The following PILRA variants were observed in gnomAD, a reference collection of about 807,000 sequenced individuals.
The protein encoded by PILRA is paired immunoglobin like type 2 receptor alpha, also known as paired immunoglobulin-like type 2 receptor alpha.
PILRA carries 37 observed loss-of-function variants against 33.1 expected under a neutral mutation model. The ratio of observed to expected loss-of-function variants is 1.12; its 90% confidence interval spans 0.86 to 1.47. The LOEUF (loss-of-function observed/expected upper bound fraction) is 1.47, where lower values mean the gene tolerates loss of function less well. PILRA is among the 40% of genes most tolerant of loss of function. The pLI, the probability that PILRA is intolerant of heterozygous loss-of-function variation, is 0.00. For synonymous variants in PILRA, 146 were observed against 149.9 expected (o/e 0.97, Z 0.19); for missense variants, 312 against 376.2 (o/e 0.83, Z 1.41).
At chr7:100,374,589 T>A in intron 2 of PILRA, 156 bp downstream of exon 2, 2 of 782,346 alleles carry the variant, frequency 2.6e-6, no homozygotes, top group Non-Finnish European at 2.1e-6. Context: ...TTGCCACCTC[T>A]CCCCTTTTCT....
Position 100,374,236 on chromosome 7 carries a change from C to A in PILRA, c.257C>A (p.Pro86Gln). ...FHRQSFYSTR[P>Q]PSIHKDYVNR... ...AGGCAGTCCTTCTACAGCACAAGGC[C>A]GCCTTCCATTCACAAGGATTATGTG... is the stretch of plus-strand genomic sequence containing the variant. Residue 86 changes from proline to glutamine, a missense_variant, in exon 2 of 7, where the codon CCG becomes CAG. By Grantham distance (76) the Pro-to-Gln change is moderately conservative. Coordinates refer to ENST00000198536, the MANE Select transcript of PILRA (RefSeq NM_013439.3). 6.2e-7 allele frequency: 1 copy of A among 1,614,162 alleles called. No homozygotes were observed. The highest frequency in any genetic ancestry group is 1.1e-5 in the South Asian group (1 of 91,088).
intron 3 of PILRA, among the ~76,000 whole-genome samples, chr7:100,397,143 G>A (rs1791514390): frequency 1.5e-5 from 2 of 132,502 alleles, no homozygotes; most frequent in South Asian, 2.3e-4. Flanking sequence ...AAAAAAAAAA[G>A]TCCTGTAGAA....
chr7:100,373,740 C>T lies in PILRA; in HGVS notation c.64+20C>T, dbSNP rs759314993. On this transcript the variant is annotated intron_variant, in intron 1 of 6. Transcript: ENST00000198536. Reference sequence around the variant, plus strand: ...AGCCTAGTGAGTACCCAGGACCACCCAGATGTGGGCTCTGCCCAAACCACA... The same window carrying T: ...AGCCTAGTGAGTACCCAGGACCACCTAGATGTGGGCTCTGCCCAAACCACA... 1.4e-5 allele frequency: 22 copies of T among 1,612,358 alleles called. 1 individual carries two copies. Among genetic ancestry groups the T allele is most frequent in the Non-Finnish European group, 1.7e-5 (20 of 1,179,838 alleles).
intron 2 of PILRA, among the ~76,000 whole-genome samples, chr7:100,382,872 C>A (rs771075738): frequency 7.9e-5 from 12 of 152,108 alleles, no homozygotes; most frequent in Non-Finnish European, 1.5e-4. Flanking sequence ...TGAACACATC[C>A]AAACATCAGA....
chr7:100,398,154 GA>G (rs1791538623), intron 4 of PILRA, among the ~76,000 whole-genome samples: 1 of 152,176 alleles, frequency 6.6e-6, no homozygotes, highest in African/African-American at 2.4e-5. Context: ...AAACATTCAA[GA>G]ATCTCTTTTC....
rs757750769 is a variant in PILRA at position 100,390,152 on chromosome 7, G to T, written c.673+46G>T. 3.9e-6 allele frequency: 6 copies of T among 1,527,312 alleles called. No homozygotes were observed. The South Asian group carries it at 6.7e-5, about 17-fold the overall frequency. 94.6% of individuals were successfully genotyped at this position (1,527,312 alleles called of 1,614,324 possible). ...CTCTCCCCAAGCCTCCCATCTGGGG[G>T]TTTCTCAAAGCCCACCTGCAGCTAT... On this transcript the variant is annotated intron_variant, in intron 3 of 6. Transcript: ENST00000198536.
upstream of PILRA, among the ~76,000 whole-genome samples, chr7:100,371,319 T>C (rs530051500): frequency 1.3e-5 from 2 of 152,314 alleles, no homozygotes; most frequent in African/African-American, 2.4e-5. Context: ...TCAGGTATTA[T>C]AAATCTTCCA....
intron 2 of PILRA, among the ~76,000 whole-genome samples, chr7:100,387,691 C>T (rs551265285): frequency 3.3e-5 from 5 of 152,198 alleles, no homozygotes; most frequent in African/African-American, 1.2e-4. Flanking sequence ...CAGAGCAAGA[C>T]GGTGTCCAAA....
At chr7:100,391,571 C>T (rs1791391522) in intron 3 of PILRA, among the ~76,000 whole-genome samples, 1 of 152,142 alleles carries the variant, frequency 6.6e-6, no homozygotes, top group Non-Finnish European at 1.5e-5. Context: ...CCTGTGGTCC[C>T]AGCTACTCCA....
chr7:100,374,029 C>T lies in PILRA; in HGVS notation c.65-15C>T. 6.2e-7 allele frequency: 1 copy of T among 1,611,210 alleles called. No individual in the cohort carries two copies. Among genetic ancestry groups the T allele is most frequent in the Non-Finnish European group, 8.5e-7 (1 of 1,178,054 alleles). On this transcript the variant is annotated splice_polypyrimidine_tract_variant and intron_variant, in intron 1 of 6. Coordinates refer to ENST00000198536, the MANE Select transcript of PILRA (RefSeq NM_013439.3). ...TTTCAAGGTCTCTCCCCTACTCACT[C>T]CCTCCCTCCTCTAGGTGGCTCCACA...
At chr7:100,396,934 A>G (rs765203203) in intron 3 of PILRA, among the ~76,000 whole-genome samples, 3 of 152,050 alleles carry the variant, frequency 2.0e-5, no homozygotes, top group Admixed American at 6.6e-5. Context: ...ACTTAACACT[A>G]ATGAACTGTA....
chr7:100,395,853 T>C (rs1018177352), intron 3 of PILRA, among the ~76,000 whole-genome samples: 6 of 151,288 alleles, frequency 4.0e-5, no homozygotes, highest in African/African-American at 1.5e-4. Context: ...AGGCCAGGAG[T>C]GGTGGCTCAC....
At chr7:100,390,997 C>A (rs1791378071) in intron 3 of PILRA, among the ~76,000 whole-genome samples, 1 of 151,684 alleles carries the variant, frequency 6.6e-6, no homozygotes. Flanking sequence ...AGGGCCAGAT[C>A]CTGGAAAAGA....
chr7:100,371,860 C>T (rs1790822065), upstream of PILRA, among the ~76,000 whole-genome samples: 3 of 152,202 alleles, frequency 2.0e-5, no homozygotes, highest in African/African-American at 7.2e-5. Context: ...AGGAATCTCC[C>T]ATGGGGGTTC....
chr7:100,392,447 G>A (rs1791406938), intron 3 of PILRA, among the ~76,000 whole-genome samples: 2 of 152,196 alleles, frequency 1.3e-5, no homozygotes, highest in Non-Finnish European at 2.9e-5. Context: ...CATGGGCAAA[G>A]GGAGTGAAGA....
At chr7:100,371,853 A>C (rs1219719274), upstream of PILRA, among the ~76,000 whole-genome samples, 1 of 152,214 alleles carries the variant, frequency 6.6e-6, no homozygotes, top group Non-Finnish European at 1.5e-5. Context: ...ACACAGAAGG[A>C]ATCTCCCATG....
intron 3 of PILRA, among the ~76,000 whole-genome samples, chr7:100,390,622 A>G (rs1360561567): frequency 6.6e-6 from 1 of 152,220 alleles, no homozygotes; most frequent in Non-Finnish European, 1.5e-5. Flanking sequence ...GAACTATGGT[A>G]GCACTTAATA....
At chr7:100,379,986 C>T (rs931295044) in intron 2 of PILRA, among the ~76,000 whole-genome samples, 1 of 152,166 alleles carries the variant, frequency 6.6e-6, no homozygotes, top group Non-Finnish European at 1.5e-5. Flanking sequence ...CCGAGTACCC[C>T]TGAAAGTAGG....
intron 2 of PILRA, among the ~76,000 whole-genome samples, chr7:100,389,374 G>A (rs372313851): frequency 2.0e-5 from 3 of 152,262 alleles, no homozygotes; most frequent in East Asian, 1.9e-4. Context: ...GCCACTGAAC[G>A]GTGCATGTAG....
Sources: allele counts gnomAD v4.1 joint callset (sites outside exome capture counted in the v4.1 genomes callset), GRCh38; gene constraint gnomAD v4.1.1; transcripts MANE v1.5; gene names NCBI Gene and HGNC (gene_info 2026-07-23, HGNC 2026-07-21).